Variants in HIP1 observed in about 807,000 individuals in gnomAD.
The protein encoded by HIP1 is huntingtin interacting protein 1, also known as huntingtin-interacting protein 1.
HIP1 carries 65 observed loss-of-function variants against 147.6 expected under a neutral mutation model. The observed-to-expected ratio is 0.44, with a 90% CI of 0.36 to 0.54. The LOEUF (loss-of-function observed/expected upper bound fraction) is 0.54. Ranked by LOEUF, HIP1 falls within the 20% of genes least tolerant of loss-of-function variation. HIP1 has a pLI of 0.00. For missense variants in HIP1, 1,061 were observed against 1,299.6 expected (o/e 0.82, Z 2.82); for synonymous variants, 479 against 504.0 (o/e 0.95, Z 0.67).
chr7:75,672,366 G>A (rs1799751561), intron 1 of HIP1, among the ~76,000 whole-genome samples: 1 of 132,076 alleles, frequency 7.6e-6, no homozygotes, highest in South Asian at 2.4e-4. Context: ...TTGCTCTGTT[G>A]TCCAGGCTGG....
At chr7:75,567,749 C>T (rs587630964) in intron 9 of HIP1, among the ~76,000 whole-genome samples, 18 of 146,464 alleles carry the variant, frequency 1.2e-4, no homozygotes, top group Middle Eastern at 3.4e-3. Context: ...TGCAGTGAGC[C>T]GAGATCGTGC....
intron 1 of HIP1, among the ~76,000 whole-genome samples, chr7:75,644,430 G>A (rs1798740572): frequency 6.6e-6 from 1 of 152,046 alleles, no homozygotes; most frequent in East Asian, 1.9e-4. Flanking sequence ...AAGTAGCTCG[G>A]ATTACAGGTA....
chr7:75,563,337 G>A (rs1228576288), intron 9 of HIP1, 74 bp from the exon 10 acceptor site: 1 of 1,384,336 alleles, frequency 7.2e-7, no homozygotes, highest in Admixed American at 1.7e-5. Flanking sequence ...GCAGCCACCT[G>A]GCTTTCCTGC....
intron 1 of HIP1, among the ~76,000 whole-genome samples, chr7:75,726,659 A>T (rs1433850487): frequency 1.3e-5 from 2 of 150,032 alleles, no homozygotes; most frequent in South Asian, 4.2e-4. Context: ...TTTTAATTTC[A>T]GCCATCCTGA....
intron 1 of HIP1, among the ~76,000 whole-genome samples, chr7:75,650,435 G>C (rs1438860834): frequency 1.3e-5 from 2 of 148,346 alleles, no homozygotes; most frequent in Non-Finnish European, 3.0e-5. Flanking sequence ...GTCCAGGGAT[G>C]TGTCTCTGCC....
At chr7:75,563,124 C>T (rs1435020537) in intron 10 of HIP1, 49 bp from the exon 11 acceptor site, 1 of 1,613,936 alleles carries the variant, frequency 6.2e-7, no homozygotes, top group Non-Finnish European at 8.5e-7. Context: ...CCAGGCCCCG[C>T]CGGCCCTTAA....
intron 7 of HIP1, among the ~76,000 whole-genome samples, chr7:75,577,346 C>T (rs868909137): frequency 2.9e-5 from 3 of 105,088 alleles, no homozygotes; most frequent in Admixed American, 9.0e-5. Context: ...AAAAAAAAAA[C>T]GAGAGAGAGA....
chr7:75,587,133 G>C (rs1397224541), intron 4 of HIP1, among the ~76,000 whole-genome samples: 2 of 152,130 alleles, frequency 1.3e-5, no homozygotes, highest in African/African-American at 4.8e-5. Flanking sequence ...TAGAGATATG[G>C]TTTCACCATG....
At chr7:75,692,732 T>C (rs1736728393) in intron 1 of HIP1, among the ~76,000 whole-genome samples, 1 of 151,318 alleles carries the variant, frequency 6.6e-6, no homozygotes, top group Non-Finnish European at 1.5e-5. Context: ...GCCCAGACAC[T>C]TTATTAATTT....
At chr7:75,737,635 C>T (rs1802067881) in intron 1 of HIP1, among the ~76,000 whole-genome samples, 1 of 152,126 alleles carries the variant, frequency 6.6e-6, no homozygotes, top group Admixed American at 6.6e-5. Context: ...TGTGAGGTAC[C>T]GCGCCCGGCC....
At position 75,728,768 on chromosome 7, in the gene HIP1, A is replaced by G. The variant is rs571138077; in HGVS notation, c.120+10033T>C. ...GGGTCTCTGCACTCCAGCCTGGGAGACACAGCGAGACTCTGTCTCAAAAAA... is the reference window on the plus strand; with the variant it reads ...GGGTCTCTGCACTCCAGCCTGGGAGGCACAGCGAGACTCTGTCTCAAAAAA... On this transcript the variant is annotated intron_variant, in intron 1 of 30. Coordinates refer to ENST00000336926, the MANE Select transcript of HIP1 (RefSeq NM_005338.7). 9.1e-4 allele frequency among the ~76,000 whole-genome samples: 127 copies of G among 139,366 alleles called. No homozygotes were observed. The Middle Eastern group carries it at 0.012, about 13-fold the overall frequency. The allele number at this position is 139,366 out of a possible 152,430, so 91.4% of individuals were successfully genotyped here. A position where few individuals can be genotyped will look rare whatever the true frequency, so the allele number is the denominator to read the frequency against.
intron 1 of HIP1, among the ~76,000 whole-genome samples, chr7:75,666,422 G>A (rs1468924434): frequency 6.6e-6 from 1 of 152,012 alleles, no homozygotes; most frequent in Non-Finnish European, 1.5e-5. Flanking sequence ...CACCCACCTC[G>A]GCCTCCCAAA....
At position 75,549,072 on chromosome 7, in the gene HIP1, C is replaced by T. The variant is rs1277833509; in HGVS notation, c.2296-71G>A. The T allele has an allele frequency of 4.4e-6, 5 of 1,127,278 alleles. No individual in the cohort carries two copies. The Admixed American group carries it at 7.2e-5, about 16-fold the overall frequency. 69.8% of individuals were successfully genotyped at this position (1,127,278 alleles called of 1,614,324 possible). A position where few individuals can be genotyped will look rare whatever the true frequency, so the allele number is the denominator to read the frequency against. The stretch of plus-strand genomic sequence containing the variant: ...CTCTTCTCCTCTGCCATCTGTAACC[C>T]TTACAAGATGGCAAGGCAGGAGGCC... On this transcript the variant is annotated intron_variant, in intron 22 of 30. Transcript: ENST00000336926.
intron 30 of HIP1, 70 bp downstream of exon 30, chr7:75,539,253 G>T: frequency 9.0e-7 from 1 of 1,107,568 alleles, no homozygotes; most frequent in Non-Finnish European, 1.4e-6. Flanking sequence ...TTCCATTCTA[G>T]GGGAAGGCCC....
Position 75,554,474 on chromosome 7 carries a change from C to T in HIP1, c.2016G>A (p.Glu672=), listed in dbSNP as rs1584789063. The part of the protein sequence containing the change: ...TSISSCIEQL[E]KSWSQYLACP... ...AGGCCAGATACTGGCTCCAGCTTTTCTCCAGTTGCTCGATGCAGCTGGAAA... is the reference window on the plus strand; with the variant it reads ...AGGCCAGATACTGGCTCCAGCTTTTTTCCAGTTGCTCGATGCAGCTGGAAA... The change falls in exon 20 of 31, where the codon GAG becomes GAA. Residue 672 remains glutamate, a synonymous_variant. Transcript: ENST00000336926. 6.2e-7 allele frequency: 1 copy of T among 1,614,014 alleles called. No individual in the cohort carries two copies. Among genetic ancestry groups the T allele is most frequent in the Non-Finnish European group, 8.5e-7 (1 of 1,179,944 alleles).
chr7:75,551,906 T>C (rs955640020), intron 22 of HIP1, among the ~76,000 whole-genome samples: 8 of 152,194 alleles, frequency 5.3e-5, no homozygotes, highest in African/African-American at 1.7e-4. Flanking sequence ...TATTTATTTT[T>C]TGAGTGGAGT....
intron 1 of HIP1, chr7:75,733,606 T>A (rs1240000438): frequency 6.5e-6 from 1 of 153,112 alleles, no homozygotes; most frequent in Non-Finnish European, 1.5e-5. Flanking sequence ...CCAGGTGAAA[T>A]GTGAGGATGG....
intron 1 of HIP1, among the ~76,000 whole-genome samples, chr7:75,660,219 A>T (rs1423476630): frequency 1.2e-5 from 1 of 81,440 alleles, no homozygotes; most frequent in Non-Finnish European, 2.6e-5. Context: ...TACGTGGTAA[A>T]AAAAAAAAAA....
chr7:75,684,263 A>G (rs576127295), intron 1 of HIP1, among the ~76,000 whole-genome samples: 1 of 151,906 alleles, frequency 6.6e-6, no homozygotes, highest in Admixed American at 6.6e-5. Context: ...CCTGGCCAAC[A>G]TGGTGAAACC....
Sources: allele counts gnomAD v4.1 joint callset (sites outside exome capture counted in the v4.1 genomes callset), GRCh38; gene constraint gnomAD v4.1.1; transcripts MANE v1.5; gene names NCBI Gene and HGNC (gene_info 2026-07-23, HGNC 2026-07-21).